Variants in SYNPO2 observed in about 807,000 individuals in gnomAD.
The protein encoded by SYNPO2 is synaptopodin-2.
In SYNPO2, 56 loss-of-function variants were observed where a neutral mutation model predicts 85.0. That is an observed-to-expected ratio of 0.66 (90% CI 0.53 to 0.82). The LOEUF (loss-of-function observed/expected upper bound fraction) is 0.82. SYNPO2 is among the 40% of genes least tolerant of loss of function. The pLI is 0.00. For missense variants in SYNPO2, 1,575 were observed against 1,534.2 expected (o/e 1.03, Z -0.44); for synonymous variants, 602 against 591.1 (o/e 1.02, Z -0.27).
intron 1 of SYNPO2, among the ~76,000 whole-genome samples, chr4:118,935,623 G>A (rs754134718): frequency 2.6e-5 from 4 of 152,222 alleles, no homozygotes; most frequent in African/African-American, 4.8e-5. Context: ...AAATGCAGGC[G>A]CTGGGGCGCC....
In SYNPO2 at chr4:119,023,452, C is replaced by G. The variant is rs760724816; in HGVS notation, c.128C>G (p.Ser43Cys). 2.5e-6 allele frequency: 4 copies of G among 1,612,754 alleles called. No homozygotes were observed. Among genetic ancestry groups the G allele is most frequent in the Non-Finnish European group, 3.4e-6 (4 of 1,179,364 alleles). ...CAGATTCGAAATCAGAGCAAAGCCT[C>G]TGGGTCTGGGCTCTGTGAGGGAGAT... ...VAKIRNQSKASGSGLCEGDEV... is the reference protein window; with the variant it reads ...VAKIRNQSKACGSGLCEGDEV... Residue 43 changes from serine (S) to cysteine (C), a missense_variant, in exon 2 of 5, where the codon TCT (serine) becomes TGT (cysteine). Around this residue, in one of 3 missense-constraint regions of SYNPO2, gnomAD observed 55 missense variants for 55.5 expected, o/e 0.99. Coordinates refer to ENST00000307142, the MANE Select transcript of SYNPO2 (RefSeq NM_133477.3).
At chr4:119,017,124 G>A (rs1361982249) in intron 1 of SYNPO2, among the ~76,000 whole-genome samples, 1 of 152,178 alleles carries the variant, frequency 6.6e-6, no homozygotes, top group African/African-American at 2.4e-5. Flanking sequence ...GGTACTGAGT[G>A]TAGAATAACC....
chr4:119,042,927 A>G (rs1738759363), intron 4 of SYNPO2: 1 of 152,208 alleles, frequency 6.6e-6, no homozygotes, highest in Non-Finnish European at 1.5e-5. Flanking sequence ...CAGTGGGAGG[A>G]GAAAAGACTA....
chr4:119,034,781 T>C (rs1397350914), intron 4 of SYNPO2: 2 of 985,362 alleles, frequency 2.0e-6, no homozygotes, highest in Non-Finnish European at 2.4e-6. Context: ...TGTGCCACCT[T>C]TCAGGTTGGG....
chr4:119,029,859 G>A lies in SYNPO2; in HGVS notation c.1084G>A (p.Glu362Lys). ...GCTTTCCCTAGGGCTCAGGAGGAGT[G>A]AAAGCCTGTCAGAAAAACAAGTGAA... is the stretch of plus-strand genomic sequence containing the variant. ...RARHARLRRS[E>K]SLSEKQVKEA... The change falls in exon 4 of 5, where the codon GAA (glutamate) becomes AAA (lysine). Residue 362 changes from glutamate to lysine, a missense_variant. Physicochemically the swap from Glu to Lys is moderately conservative, Grantham distance 56. This residue lies in a region of SYNPO2 where 1,508 missense variants were observed against 1,446.8 expected (regional missense o/e 1.04). Coordinates refer to ENST00000307142, the MANE Select transcript of SYNPO2 (RefSeq NM_133477.3). 1 of 1,587,216 alleles carries A rather than the reference G, an allele frequency of 6.3e-7. No individual in the cohort carries two copies. The highest frequency in any genetic ancestry group is 1.1e-5 in the South Asian group (1 of 87,270).
At chr4:118,991,825 G>C (rs1322749280) in intron 1 of SYNPO2, among the ~76,000 whole-genome samples, 1 of 152,194 alleles carries the variant, frequency 6.6e-6, no homozygotes. Flanking sequence ...CAAAGGGTGA[G>C]AGGAGGAGCA....
At chr4:118,856,087 A>G (rs924715468) in intron 1 of SYNPO2, among the ~76,000 whole-genome samples, 1 of 152,184 alleles carries the variant, frequency 6.6e-6, no homozygotes, top group African/African-American at 2.4e-5. Flanking sequence ...TGTATGGTAT[A>G]TTGTGATTTG....
intron 1 of SYNPO2, among the ~76,000 whole-genome samples, chr4:118,951,992 T>G (rs1450604500): frequency 6.6e-6 from 1 of 152,160 alleles, no homozygotes; most frequent in Non-Finnish European, 1.5e-5. Flanking sequence ...GTAAGGAGTC[T>G]TAAAAGGGAC....
At chr4:119,032,484 C>T (rs559036777) in intron 4 of SYNPO2, 2 of 1,031,890 alleles carry the variant, frequency 1.9e-6, no homozygotes, top group African/African-American at 3.4e-5. Context: ...TTAGGTAGTG[C>T]CTTATCTCTA....
chr4:119,032,262 A>C, intron 4 of SYNPO2: 1 of 1,409,854 alleles, frequency 7.1e-7, no homozygotes, highest in Non-Finnish European at 9.2e-7. Context: ...TTCTTTGCAC[A>C]CTTAAAAAAT....
intron 1 of SYNPO2, among the ~76,000 whole-genome samples, chr4:118,871,369 A>T (rs1204819501): frequency 3.4e-5 from 5 of 145,894 alleles, no homozygotes; most frequent in Non-Finnish European, 7.5e-5. Context: ...TTTTTTTTTT[A>T]AAGAATTGTT....
At chr4:118,885,961 A>T (rs1732192310), upstream of SYNPO2, among the ~76,000 whole-genome samples, 2 of 152,238 alleles carry the variant, frequency 1.3e-5, no homozygotes, top group African/African-American at 4.8e-5. Context: ...TTATCAGTAA[A>T]AGAGAAACAC....
intron 1 of SYNPO2, among the ~76,000 whole-genome samples, chr4:118,964,561 A>C (rs1259053804): frequency 6.6e-6 from 1 of 152,010 alleles, no homozygotes; most frequent in Non-Finnish European, 1.5e-5. Flanking sequence ...GAAAACCATC[A>C]GGTTTTATTT....
intron 4 of SYNPO2, among the ~76,000 whole-genome samples, chr4:119,046,883 G>A (rs1010765585): frequency 6.6e-6 from 1 of 152,258 alleles, no homozygotes; most frequent in African/African-American, 2.4e-5. Context: ...TTTCCTAGAA[G>A]CAGAAAGTAA....
At chr4:119,017,390 G>C (rs931047789) in intron 1 of SYNPO2, among the ~76,000 whole-genome samples, 1 of 152,096 alleles carries the variant, frequency 6.6e-6, no homozygotes, top group Non-Finnish European at 1.5e-5. Context: ...CCTACCTAAG[G>C]CTTTGGTTTA....
At chr4:118,860,631 C>A (rs1731592612) in intron 1 of SYNPO2, among the ~76,000 whole-genome samples, 1 of 147,486 alleles carries the variant, frequency 6.8e-6, no homozygotes, top group Non-Finnish European at 1.5e-5. Context: ...TCTTGGCTCA[C>A]TGCAACCTCA....
chr4:118,996,687 T>G (rs1035687702), intron 1 of SYNPO2, among the ~76,000 whole-genome samples: 4 of 147,952 alleles, frequency 2.7e-5, no homozygotes, highest in Admixed American at 6.8e-5. Flanking sequence ...GAAACCCCAT[T>G]TCTATTCAAA....
upstream of SYNPO2, among the ~76,000 whole-genome samples, chr4:118,884,184 A>G (rs1732160332): frequency 6.6e-6 from 1 of 152,200 alleles, no homozygotes; most frequent in Non-Finnish European, 1.5e-5. Flanking sequence ...TGCTTGCTAT[A>G]AACATAATCC....
chr4:118,994,038 T>C (rs1407007314), intron 1 of SYNPO2, among the ~76,000 whole-genome samples: 1 of 152,190 alleles, frequency 6.6e-6, no homozygotes, highest in African/African-American at 2.4e-5. Flanking sequence ...GAACATTTGG[T>C]TCTTCTAGGG....
Sources: allele counts gnomAD v4.1 joint callset (sites outside exome capture counted in the v4.1 genomes callset), GRCh38; gene constraint gnomAD v4.1.1; regional missense constraint gnomAD v4.1.1; transcripts MANE v1.5; gene names NCBI Gene and HGNC (gene_info 2026-07-23, HGNC 2026-07-21).